Variants in TMCC1 observed in about 807,000 individuals in gnomAD.
The protein encoded by TMCC1 is transmembrane and coiled-coil domain family 1, also known as transmembrane and coiled-coil domains protein 1.
TMCC1 carries 15 observed loss-of-function variants against 52.4 expected under a neutral mutation model. The ratio of observed to expected loss-of-function variants is 0.29; its 90% confidence interval spans 0.19 to 0.44. TMCC1 has a LOEUF of 0.44. TMCC1 is among the 20% of genes least tolerant of loss of function. The pLI is 1.00. For missense variants in TMCC1, 503 were observed against 806.0 expected (o/e 0.62, Z 4.55); for synonymous variants, 279 against 301.9 (o/e 0.92, Z 0.79).
At chr3:129,769,405 T>C (rs888658548) in intron 4 of TMCC1, among the ~76,000 whole-genome samples, 2 of 152,108 alleles carry the variant, frequency 1.3e-5, no homozygotes, top group African/African-American at 4.8e-5. Flanking sequence ...AATTTTTGTA[T>C]TTTTAGTAGA....
Position 129,799,919 on chromosome 3 carries a change from T to TTA in TMCC1, c.576+27882_576+27883dup, listed in dbSNP as rs574746271. Among the ~76,000 whole-genome samples the TTA allele has an allele frequency of 5.2e-3, 798 of 152,062 alleles. 11 individuals carry two copies. The highest frequency in any genetic ancestry group is 0.018 in the African/African-American group (742 of 41,506). On this transcript the variant is annotated intron_variant, in intron 4 of 6. Coordinates refer to ENST00000393238, the MANE Select transcript of TMCC1 (RefSeq NM_001017395.5). Reference sequence around the variant, plus strand: ...TGTATGCACATAAACACATTCACTGTTATATATATATACACACACTCACAG... The same window carrying TTA: ...TGTATGCACATAAACACATTCACTGTTATATATATATATACACACACTCACAG...
intron 4 of TMCC1, among the ~76,000 whole-genome samples, chr3:129,784,377 G>C (rs1213666202): frequency 2.0e-5 from 3 of 150,904 alleles, no homozygotes; most frequent in African/African-American, 7.3e-5. Context: ...AGGAAATCGA[G>C]ACCACAGTGA....
chr3:129,769,624 T>C (rs2054392344), intron 4 of TMCC1, among the ~76,000 whole-genome samples: 1 of 151,940 alleles, frequency 6.6e-6, no homozygotes, highest in South Asian at 2.1e-4. Flanking sequence ...CAATTCTTCT[T>C]CTTCCAATGT....
At chr3:129,837,160 CA>C (rs2059196894) in intron 2 of TMCC1, among the ~76,000 whole-genome samples, 1 of 152,042 alleles carries the variant, frequency 6.6e-6, no homozygotes, top group Admixed American at 6.5e-5. Flanking sequence ...ATCCCCATAG[CA>C]GTTGGGAAAA....
chr3:129,705,039 A>T (rs1260505487), intron 4 of TMCC1, among the ~76,000 whole-genome samples: 1 of 152,226 alleles, frequency 6.6e-6, no homozygotes, highest in Non-Finnish European at 1.5e-5. Flanking sequence ...AAGTACAGAA[A>T]ATTAATGTCC....
At chr3:129,863,048 C>T (rs2107936859) in intron 2 of TMCC1, among the ~76,000 whole-genome samples, 2 of 152,210 alleles carry the variant, frequency 1.3e-5, no homozygotes, top group South Asian at 4.2e-4. Context: ...ATTGTCTTCT[C>T]CATATGAATA....
In TMCC1 at chr3:129,843,342, G is replaced by A. The variant is rs137863206; in HGVS notation, c.-183-10516C>T. ...AGCCTAGGAGACACAGCAAGACACC[G>A]TCTCAAAAAAAAAAGAAGGAAAAAA... On this transcript the variant is annotated intron_variant, in intron 2 of 6. Transcript: ENST00000393238. Among the ~76,000 whole-genome samples, 169 of 151,134 alleles carry A rather than the reference G, an allele frequency of 1.1e-3. 4 individuals are homozygous for A. In the East Asian group the frequency reaches 0.016, roughly 15 times the overall value.
chr3:129,682,829 C>A (rs2108925203), intron 4 of TMCC1, among the ~76,000 whole-genome samples: 1 of 152,018 alleles, frequency 6.6e-6, no homozygotes, highest in Non-Finnish European at 1.5e-5. Context: ...CCCTTCTTGC[C>A]AAAGTTTTTT....
intron 4 of TMCC1, among the ~76,000 whole-genome samples, chr3:129,723,676 C>T (rs1034461617): frequency 2.0e-5 from 3 of 152,106 alleles, no homozygotes; most frequent in Non-Finnish European, 4.4e-5. Context: ...TACAGAGCAC[C>T]CTCTACATTC....
intron 4 of TMCC1, among the ~76,000 whole-genome samples, chr3:129,789,646 A>AAT (rs1641336029): frequency 6.6e-6 from 1 of 152,022 alleles, no homozygotes; most frequent in South Asian, 2.1e-4. Flanking sequence ...ATGCCCGGCT[A>AAT]ATTTTTTGTA....
intron 4 of TMCC1, among the ~76,000 whole-genome samples, chr3:129,740,947 T>C (rs1305686230): frequency 3.3e-5 from 5 of 152,190 alleles, no homozygotes; most frequent in African/African-American, 1.2e-4. Flanking sequence ...TATTAACATA[T>C]GGCACTCTTC....
chr3:129,835,685 T>C (rs919888669), intron 2 of TMCC1, among the ~76,000 whole-genome samples: 5 of 152,218 alleles, frequency 3.3e-5, no homozygotes, highest in African/African-American at 1.2e-4. Flanking sequence ...GAACCATGTA[T>C]ATATCATGCT....
Position 129,886,719 on chromosome 3 carries a change from C to T in TMCC1, c.-434-6160G>A, listed in dbSNP as rs368074780. Among the ~76,000 whole-genome samples the T allele has an allele frequency of 4.6e-5, 7 of 151,860 alleles. No individual in the cohort carries two copies. In the East Asian group the frequency reaches 1.4e-3, roughly 29 times the overall value. On this transcript the variant is annotated intron_variant, in intron 1 of 6. Coordinates refer to ENST00000393238, the MANE Select transcript of TMCC1 (RefSeq NM_001017395.5). ...CTTTGGGAGGCTGAGGCGGACCAAT[C>T]ACTTGAGGTCAGGAGTTCAAGACCA...
chr3:129,653,652 A>G (rs1398611984), intron 6 of TMCC1, among the ~76,000 whole-genome samples: 1 of 151,912 alleles, frequency 6.6e-6, no homozygotes, highest in African/African-American at 2.4e-5. Flanking sequence ...CCGTGTTAGG[A>G]TGGTCTTGAT....
intron 4 of TMCC1, among the ~76,000 whole-genome samples, chr3:129,779,152 T>C (rs1384562735): frequency 6.6e-6 from 1 of 152,154 alleles, no homozygotes; most frequent in Non-Finnish European, 1.5e-5. Flanking sequence ...CAGCTAAGAA[T>C]GGTCATGTGC....
chr3:129,773,287 T>A (rs2054760321), intron 4 of TMCC1, among the ~76,000 whole-genome samples: 1 of 152,240 alleles, frequency 6.6e-6, no homozygotes, highest in South Asian at 2.1e-4. Flanking sequence ...GCCATTTTTC[T>A]TCAAAAATTC....
At chr3:129,765,994 C>A (rs780207489) in intron 4 of TMCC1, among the ~76,000 whole-genome samples, 1 of 151,996 alleles carries the variant, frequency 6.6e-6, no homozygotes, top group African/African-American at 2.4e-5. Flanking sequence ...TGGATATACT[C>A]GAAGCCCAAT....
At chr3:129,669,905 T>C (rs922714433) in intron 5 of TMCC1, among the ~76,000 whole-genome samples, 2 of 152,204 alleles carry the variant, frequency 1.3e-5, no homozygotes, top group Non-Finnish European at 2.9e-5. Context: ...TTGGATTTGT[T>C]TGCAGTCTAA....
chr3:129,835,557 G>A (rs962238744), intron 2 of TMCC1, among the ~76,000 whole-genome samples: 9 of 152,148 alleles, frequency 5.9e-5, no homozygotes, highest in African/African-American at 2.2e-4. Context: ...ATAATCAAGA[G>A]CATATACTTG....
Sources: allele counts gnomAD v4.1 joint callset (sites outside exome capture counted in the v4.1 genomes callset), GRCh38; gene constraint gnomAD v4.1.1; transcripts MANE v1.5; gene names NCBI Gene and HGNC (gene_info 2026-07-23, HGNC 2026-07-21).